Variants in ABLIM1 observed in about 807,000 individuals in gnomAD.
ABLIM1 encodes the protein actin binding LIM protein 1.
ABLIM1 carries 40 observed loss-of-function variants against 107.0 expected under a neutral mutation model. The observed-to-expected ratio is 0.37, with a 90% CI of 0.29 to 0.49. The LOEUF is 0.49. ABLIM1 is among the 20% of genes least tolerant of loss of function. The pLI is 0.97. For missense variants in ABLIM1, 857 were observed against 1,008.5 expected, an observed-to-expected ratio of 0.85 and a Z score of 2.04; for synonymous variants, 357 against 357.3, an observed-to-expected ratio of 1.00 and a Z score of 0.01.
At chr10:114,750,534 C>T (rs988560767) in intron 1 of ABLIM1, among the ~76,000 whole-genome samples, 1 of 152,160 alleles carries the variant, frequency 6.6e-6, no homozygotes, top group Non-Finnish European at 1.5e-5. Context: ...TCTGCCATAG[C>T]TCTATTTGTC....
chr10:114,795,049 C>G, the ABLIM1 span, among the ~76,000 whole-genome samples: 1 of 152,116 alleles, frequency 6.6e-6, no homozygotes, highest in Non-Finnish European at 1.5e-5. Context: ...AACCAACCCT[C>G]TCACTTTTCT....
chr10:114,670,998 G>C (rs2080231139), intron 1 of ABLIM1, among the ~76,000 whole-genome samples: 1 of 152,068 alleles, frequency 6.6e-6, no homozygotes, highest in African/African-American at 2.4e-5. Context: ...TTTTACATGT[G>C]TGTACAACTG....
intron 8 of ABLIM1, chr10:114,485,296 C>T (rs1451691328): frequency 1.2e-6 from 2 of 1,607,606 alleles, no homozygotes; most frequent in Admixed American, 1.7e-5. Flanking sequence ...ACAATGCCAA[C>T]CTGCAGAGAC....
chr10:114,722,475 C>A (rs1280096408), intron 1 of ABLIM1, among the ~76,000 whole-genome samples: 1 of 152,182 alleles, frequency 6.6e-6, no homozygotes, highest in Admixed American at 6.5e-5. Context: ...GGTGGAAACA[C>A]AAATCCAACT....
the ABLIM1 span, among the ~76,000 whole-genome samples, chr10:114,792,398 C>T: frequency 6.6e-6 from 1 of 152,146 alleles, no homozygotes; most frequent in Non-Finnish European, 1.5e-5. Context: ...AGTCAGTATT[C>T]TTATAAGCTT....
intron 1 of ABLIM1, among the ~76,000 whole-genome samples, chr10:114,676,326 A>T (rs2080482166): frequency 6.6e-6 from 1 of 152,008 alleles, no homozygotes. Context: ...AAAATACAAA[A>T]ATTAGCTGGG....
intron 4 of ABLIM1, among the ~76,000 whole-genome samples, chr10:114,548,213 G>C (rs1565900382): frequency 6.6e-6 from 1 of 152,190 alleles, no homozygotes; most frequent in Non-Finnish European, 1.5e-5. Flanking sequence ...GATTACTCCT[G>C]GAGGCTGCCC....
rs1363807144 is a variant in ABLIM1 at position 114,447,962 on chromosome 10, T to C, written c.1653A>G (p.Pro551=). Reference sequence around the variant, plus strand: ...CGCTGGGGTCTGGTGCCTGGGCTGCTGGGAACTTGGAAAACTTGATGATAT... The same window carrying C: ...CGCTGGGGTCTGGTGCCTGGGCTGCCGGGAACTTGGAAAACTTGATGATAT... ...SEDIIKFSKF[P]AAQAPDPSET... The change falls in exon 15 of 23, where the codon CCA becomes CCG. Residue 551 remains proline (P), a synonymous_variant. Transcript: ENST00000533213. The C allele has an allele frequency of 1.2e-6, 2 of 1,614,178 alleles. No individual in the cohort carries two copies. The highest frequency in any genetic ancestry group is 1.7e-6 in the Non-Finnish European group (2 of 1,180,024).
At chr10:114,555,697 C>T (rs944113990) in intron 4 of ABLIM1, among the ~76,000 whole-genome samples, 1 of 152,104 alleles carries the variant, frequency 6.6e-6, no homozygotes, top group African/African-American at 2.4e-5. Context: ...ACTTATAAAA[C>T]GTCCAGAGGG....
intron 1 of ABLIM1, among the ~76,000 whole-genome samples, chr10:114,696,667 T>C (rs2081200612): frequency 6.6e-6 from 1 of 152,226 alleles, no homozygotes; most frequent in South Asian, 2.1e-4. Flanking sequence ...TCATTCTCTC[T>C]TGCCTGCCAC....
At chr10:114,472,698 C>T (rs1371220156) in intron 10 of ABLIM1, among the ~76,000 whole-genome samples, 2 of 152,074 alleles carry the variant, frequency 1.3e-5, no homozygotes, top group Non-Finnish European at 2.9e-5. Context: ...CTCTGCCCAG[C>T]TCACACAATC....
At chr10:114,465,550 T>C in intron 12 of ABLIM1, 148 bp downstream of exon 12, 1 of 878,728 alleles carries the variant, frequency 1.1e-6, no homozygotes, top group Non-Finnish European at 1.7e-6. Flanking sequence ...GAGCATAAAA[T>C]ATAGTTGGAT....
chr10:114,482,506 T>G (rs530924255), intron 8 of ABLIM1, among the ~76,000 whole-genome samples: 1 of 152,178 alleles, frequency 6.6e-6, no homozygotes, highest in Non-Finnish European at 1.5e-5. Flanking sequence ...ACTTAAAAGA[T>G]AACATATCTG....
intron 10 of ABLIM1, among the ~76,000 whole-genome samples, chr10:114,472,337 G>A (rs149579326): frequency 1.0e-3 from 153 of 151,850 alleles, no homozygotes; most frequent in African/African-American, 3.3e-3. Flanking sequence ...GCAATCCTCC[G>A]GCCCTCAGCC....
At chr10:114,638,284 CAAAGTATTTGCCA>C (rs2078576752) in intron 1 of ABLIM1, among the ~76,000 whole-genome samples, 1 of 152,130 alleles carries the variant, frequency 6.6e-6, no homozygotes, top group Non-Finnish European at 1.5e-5. Flanking sequence ...ATAATTGCTT[CAAAGTATTTGCCA>C]AGATACAAAC....
Position 114,619,716 on chromosome 10 carries a change from T to C in ABLIM1, c.245-17755A>G, listed in dbSNP as rs1436578732. On this transcript the variant is annotated intron_variant, in intron 1 of 22. Coordinates refer to ENST00000533213, the MANE Select transcript of ABLIM1 (RefSeq NM_002313.7). The surrounding 1 kb of genome is among the most constrained non-coding windows in gnomAD (Gnocchi z 4.1). ...AACACAAAGAGGAGAGGCAGACTCATAGGGAAAAGTGATCCCAACTGAAAA... is the reference window on the plus strand; with the variant it reads ...AACACAAAGAGGAGAGGCAGACTCACAGGGAAAAGTGATCCCAACTGAAAA... Among the ~76,000 whole-genome samples, 1 of 152,190 alleles carries C rather than the reference T, an allele frequency of 6.6e-6. No homozygotes were observed. Among genetic ancestry groups the C allele is most frequent in the South Asian group, 2.1e-4 (1 of 4,816 alleles).
At position 114,465,655 on chromosome 10, in the gene ABLIM1, A is replaced by G. The variant is rs201146951; in HGVS notation, c.1441+43T>C. ...TAGTAGGGGAAAAAATCACAGAAAC[A>G]TAGTTTGTTATATAGAGTGAATCCA... On this transcript the variant is annotated intron_variant, in intron 12 of 22. Coordinates refer to ENST00000533213, the MANE Select transcript of ABLIM1 (RefSeq NM_002313.7). The G allele has an allele frequency of 3.8e-5, 60 of 1,595,164 alleles. 1 individual carries two copies. The South Asian group carries it at 6.1e-4, about 16-fold the overall frequency.
intron 1 of ABLIM1, among the ~76,000 whole-genome samples, chr10:114,765,149 C>T (rs2082858770): frequency 6.6e-6 from 1 of 152,128 alleles, no homozygotes; most frequent in Admixed American, 6.5e-5. Context: ...TGGGTTCAAG[C>T]TATTCTCCTG....
chr10:114,507,547 G>A (rs17091968), intron 6 of ABLIM1, among the ~76,000 whole-genome samples: 35 of 152,046 alleles, frequency 2.3e-4, no homozygotes, highest in African/African-American at 8.0e-4. Flanking sequence ...GCCCCAAGTC[G>A]TCTGGATTCT....
Sources: allele counts gnomAD v4.1 joint callset (sites outside exome capture counted in the v4.1 genomes callset), GRCh38; gene constraint gnomAD v4.1.1; non-coding constraint Gnocchi (gnomAD v3.1); transcripts MANE v1.5; gene names NCBI Gene and HGNC (gene_info 2026-07-23, HGNC 2026-07-21).